The following PAQR5 variants were observed in gnomAD, a reference collection of about 807,000 sequenced individuals.
The protein encoded by PAQR5 is progestin and adipoQ receptor family member 5, also known as membrane progestin receptor gamma.
A neutral mutation model predicts 34.5 loss-of-function variants in PAQR5; 20 were observed. That is an observed-to-expected ratio of 0.58 (90% CI 0.41 to 0.84). PAQR5 has a LOEUF of 0.84. Among genes scored for constraint, PAQR5 ranks in the 40% least tolerant of loss-of-function variants. The pLI is 0.00. For missense variants in PAQR5, 378 were observed against 412.7 expected, an observed-to-expected ratio of 0.92 and a Z score of 0.73; for synonymous variants, 131 against 155.6, an observed-to-expected ratio of 0.84 and a Z score of 1.18.
chr15:69,322,725 GAAGAA>G lies in PAQR5; in HGVS notation c.-276-14615_-276-14611del, dbSNP rs2054132032. ...AGAAGAAGAAGAAGAAGAAGAAGAA[GAAGAA>G]GAAGAAGAAGAAGAAGAAGAAGAAG... On this transcript the variant is annotated intron_variant, in intron 1 of 8. Coordinates refer to ENST00000395407, the MANE Select transcript of PAQR5 (RefSeq NM_017705.4). Among the ~76,000 whole-genome samples, 26 of 29,410 alleles carry G rather than the reference GAAGAA, an allele frequency of 8.8e-4. 2 individuals are homozygous for G. The highest frequency in any genetic ancestry group is 1.9e-3 in the African/African-American group (19 of 9,844). The allele number at this position is 29,410 out of a possible 152,430, so 19.3% of individuals were successfully genotyped here. A position where few individuals can be genotyped will look rare whatever the true frequency, so the allele number is the denominator to read the frequency against.
chr15:69,404,005 C>CTG lies in PAQR5; in HGVS notation c.*192_*193dup. 7 of 616,548 alleles carry CTG rather than the reference C, an allele frequency of 1.1e-5. No individual in the cohort carries two copies. The highest frequency in any genetic ancestry group is 2.2e-5 in the South Asian group (1 of 45,414). 38.2% of individuals were successfully genotyped at this position (616,548 alleles called of 1,614,324 possible). A position where few individuals can be genotyped will look rare whatever the true frequency, so the allele number is the denominator to read the frequency against. On this transcript the variant is annotated 3_prime_UTR_variant, in exon 9 of 9. Coordinates refer to ENST00000395407, the MANE Select transcript of PAQR5 (RefSeq NM_017705.4). ...AAATTTCTCTAAATGTACACTGATT[C>CTG]TGTGTGTGTGATTTTAAAAGGAGAA... is the stretch of plus-strand genomic sequence containing the variant.
At position 69,329,642 on chromosome 15, in the gene PAQR5, A is replaced by G. The variant is rs552007142; in HGVS notation, c.-276-7699A>G. Among the ~76,000 whole-genome samples the G allele has an allele frequency of 5.3e-5, 8 of 150,848 alleles. No individual in the cohort carries two copies. The East Asian group carries it at 1.6e-3, about 29-fold the overall frequency. Reference sequence around the variant, plus strand: ...TGGGACTACAGGTGTATGCCACCACACCCGGCTAATATTTTGTATTTTAGT... The same window carrying G: ...TGGGACTACAGGTGTATGCCACCACGCCCGGCTAATATTTTGTATTTTAGT... On this transcript the variant is annotated intron_variant, in intron 1 of 8. Coordinates refer to ENST00000395407, the MANE Select transcript of PAQR5 (RefSeq NM_017705.4).
At chr15:69,382,101 G>C (rs1456069706) in intron 4 of PAQR5, among the ~76,000 whole-genome samples, 1 of 152,200 alleles carries the variant, frequency 6.6e-6, no homozygotes, top group East Asian at 1.9e-4. Context: ...ACTCTTAGTG[G>C]AGGAACAGTG....
chr15:69,395,173 G>A (rs907084749), intron 6 of PAQR5, among the ~76,000 whole-genome samples: 1 of 152,166 alleles, frequency 6.6e-6, no homozygotes, highest in Non-Finnish European at 1.5e-5. Flanking sequence ...AGGGTCTGCC[G>A]GAGGACTAAG....
At chr15:69,400,703 G>A (rs947674537) in intron 8 of PAQR5, among the ~76,000 whole-genome samples, 2 of 152,074 alleles carry the variant, frequency 1.3e-5, no homozygotes, top group Non-Finnish European at 2.9e-5. Flanking sequence ...GGGAGCAGCC[G>A]AGGAGAGGAA....
At chr15:69,352,855 A>G (rs934541834) in intron 2 of PAQR5, among the ~76,000 whole-genome samples, 5 of 152,210 alleles carry the variant, frequency 3.3e-5, no homozygotes, top group African/African-American at 1.2e-4. Flanking sequence ...TGACAAGGAA[A>G]TTTGGGGAAG....
At chr15:69,374,360 C>T (rs1015259207) in intron 3 of PAQR5, among the ~76,000 whole-genome samples, 22 of 152,064 alleles carry the variant, frequency 1.4e-4, no homozygotes, top group African/African-American at 5.3e-4. Context: ...ACCGCAGGTA[C>T]CCAGGAAATG....
At chr15:69,367,067 T>C (rs973357398) in intron 3 of PAQR5, among the ~76,000 whole-genome samples, 4 of 152,218 alleles carry the variant, frequency 2.6e-5, no homozygotes, top group Non-Finnish European at 4.4e-5. Context: ...GATTATATTT[T>C]AGCTGTGTCT....
intron 4 of PAQR5, among the ~76,000 whole-genome samples, chr15:69,383,799 G>C (rs2056008619): frequency 1.7e-5 from 1 of 59,172 alleles, no homozygotes. Context: ...TTGTGTTCAT[G>C]GTGGAGGGTG....
Position 69,404,826 on chromosome 15 carries a change from T to C in PAQR5, c.*1004T>C. On this transcript the variant is annotated 3_prime_UTR_variant, in exon 9 of 9. Coordinates refer to ENST00000395407, the MANE Select transcript of PAQR5 (RefSeq NM_017705.4). Reference sequence around the variant, plus strand: ...AAACATCCAGTAAGCTTGTGACAAATGCAGACTCCTAGGGAAAACCAGGGG... The same window carrying C: ...AAACATCCAGTAAGCTTGTGACAAACGCAGACTCCTAGGGAAAACCAGGGG... 2.5e-6 allele frequency: 1 copy of C among 397,276 alleles called. No individual in the cohort carries two copies. Among genetic ancestry groups the C allele is most frequent in the Admixed American group, 4.4e-5 (1 of 22,716 alleles). The allele number at this position is 397,276 out of a possible 1,614,324, so 24.6% of individuals were successfully genotyped here.
intron 2 of PAQR5, among the ~76,000 whole-genome samples, chr15:69,338,346 C>G (rs1352584550): frequency 1.3e-5 from 2 of 152,334 alleles, no homozygotes; most frequent in South Asian, 4.1e-4. Flanking sequence ...TAGAAGTCCC[C>G]AAGCTAATGC....
At chr15:69,310,385 T>C (rs8031959) in intron 1 of PAQR5, among the ~76,000 whole-genome samples, 7,412 of 152,190 alleles carry the variant, frequency 0.049, 376 homozygotes, top group East Asian at 0.15. Flanking sequence ...GAATACTCAT[T>C]TACCACACCC....
chr15:69,335,215 CA>C (rs201453846), intron 1 of PAQR5, among the ~76,000 whole-genome samples: 4,568 of 120,024 alleles, frequency 0.038, 158 homozygotes, highest in East Asian at 0.17. Context: ...GACCATGTCT[CA>C]AAAAAAAAAA....
chr15:69,348,687 G>C (rs118042587), intron 2 of PAQR5, among the ~76,000 whole-genome samples: 1 of 151,338 alleles, frequency 6.6e-6, no homozygotes, highest in Non-Finnish European at 1.5e-5. Context: ...GAGATGGTAG[G>C]TTTTTCCGAT....
At chr15:69,324,718 G>A (rs1475709760) in intron 1 of PAQR5, among the ~76,000 whole-genome samples, 4 of 151,778 alleles carry the variant, frequency 2.6e-5, no homozygotes, top group Non-Finnish European at 5.9e-5. Context: ...CTGTTTTCTG[G>A]GCTCCACTCT....
chr15:69,383,479 G>A (rs1244331795), intron 4 of PAQR5, among the ~76,000 whole-genome samples: 11 of 141,708 alleles, frequency 7.8e-5, no homozygotes, highest in Non-Finnish European at 1.4e-4. Context: ...TGGAGGGTGA[G>A]TGGGCCTTTG....
intron 2 of PAQR5, among the ~76,000 whole-genome samples, chr15:69,341,987 T>C (rs970435621): frequency 3.3e-5 from 5 of 151,768 alleles, no homozygotes; most frequent in East Asian, 1.9e-4. Flanking sequence ...TAGATAGAAG[T>C]GAAATTGCTG....
intron 3 of PAQR5, among the ~76,000 whole-genome samples, chr15:69,365,481 T>A (rs1191225057): frequency 2.0e-5 from 3 of 152,232 alleles, no homozygotes; most frequent in Non-Finnish European, 4.4e-5. Flanking sequence ...ATTTAAGTTG[T>A]TAGTGTGGTG....
chr15:69,386,607 C>T (rs1341333768), intron 5 of PAQR5, among the ~76,000 whole-genome samples: 1 of 151,656 alleles, frequency 6.6e-6, no homozygotes, highest in Non-Finnish European at 1.5e-5. Context: ...CTCCGGATCC[C>T]CTCTTACCCT....
Sources: gnomAD v4.1 joint callset for allele counts (sites outside exome capture counted in the v4.1 genomes callset) on GRCh38, gnomAD v4.1.1 for gene constraint, MANE v1.5 for transcripts, NCBI Gene and HGNC (gene_info 2026-07-23, HGNC 2026-07-21) for gene names.